Variants in PRR16 observed in about 807,000 individuals in gnomAD.
The protein encoded by PRR16 is proline rich 16.
Under a neutral mutation model 18.2 loss-of-function variants are expected in PRR16, and 6 were observed. The ratio of observed to expected loss-of-function variants is 0.33; its 90% CI spans 0.18 to 0.65. The LOEUF (loss-of-function observed/expected upper bound fraction) is 0.65. Among genes scored for constraint, PRR16 ranks in the 30% least tolerant of loss-of-function variants. The pLI, the probability that PRR16 is intolerant of heterozygous loss-of-function variation, is 0.74. For missense variants in PRR16, 412 were observed against 376.6 expected, an observed-to-expected ratio of 1.09 and a Z score of -0.78; for synonymous variants, 151 against 147.8, an observed-to-expected ratio of 1.02 and a Z score of -0.16.
chr5:120,710,408 GA>G, the PRR16 span, among the ~76,000 whole-genome samples: 1 of 152,052 alleles, frequency 6.6e-6, no homozygotes, highest in Admixed American at 6.6e-5. Context: ...GTATCCAGTG[GA>G]AAAAACATAG....
At chr5:120,653,126 C>G (rs1378320735) in intron 1 of PRR16, among the ~76,000 whole-genome samples, 10 of 151,766 alleles carry the variant, frequency 6.6e-5, no homozygotes, top group Non-Finnish European at 1.3e-4. Flanking sequence ...AAAATGGTTT[C>G]ACTTGGGAGA....
At chr5:120,590,204 A>G (rs941643336) in intron 1 of PRR16, among the ~76,000 whole-genome samples, 11 of 152,188 alleles carry the variant, frequency 7.2e-5, no homozygotes, top group African/African-American at 1.7e-4. Context: ...TCTCTCCCCA[A>G]TTTGATCCTT....
At chr5:120,520,633 C>T (rs1406201547) in intron 1 of PRR16, among the ~76,000 whole-genome samples, 2 of 151,942 alleles carry the variant, frequency 1.3e-5, no homozygotes, top group Non-Finnish European at 2.9e-5. Context: ...AAGAAGGAGT[C>T]TTTTTTGGTT....
intron 1 of PRR16, among the ~76,000 whole-genome samples, chr5:120,647,402 A>G (rs914007945): frequency 2.6e-5 from 4 of 152,042 alleles, no homozygotes; most frequent in Non-Finnish European, 5.9e-5. Flanking sequence ...TTAAAAAAAA[A>G]AGAGATTTCA....
At chr5:120,501,784 G>A (rs910300222) in intron 1 of PRR16, among the ~76,000 whole-genome samples, 2 of 151,650 alleles carry the variant, frequency 1.3e-5, no homozygotes, top group Non-Finnish European at 2.9e-5. Context: ...GTGAAACCCT[G>A]TCTCAACTAA....
chr5:120,470,843 G>A (rs1333250294), intron 1 of PRR16, among the ~76,000 whole-genome samples: 1 of 152,110 alleles, frequency 6.6e-6, no homozygotes, highest in Non-Finnish European at 1.5e-5. Context: ...GAGAAGTGAA[G>A]CTTCATTGCC....
the PRR16 span, among the ~76,000 whole-genome samples, chr5:120,713,908 T>C: frequency 1.3e-5 from 2 of 152,184 alleles, no homozygotes; most frequent in African/African-American, 2.4e-5. Flanking sequence ...TTCCAAGTGG[T>C]TCTCCTGTAT....
chr5:120,644,410 A>G (rs1755524694), intron 1 of PRR16, among the ~76,000 whole-genome samples: 1 of 71,386 alleles, frequency 1.4e-5, no homozygotes, highest in African/African-American at 5.4e-5. Flanking sequence ...TGATATTATA[A>G]CAAATGATGT....
chr5:120,560,840 C>G (rs1298309677), intron 1 of PRR16, among the ~76,000 whole-genome samples: 1 of 151,988 alleles, frequency 6.6e-6, no homozygotes, highest in South Asian at 2.1e-4. Context: ...GGATTTCTTA[C>G]TGGTTCAATC....
chr5:120,661,441 T>G (rs1445637170), intron 1 of PRR16, among the ~76,000 whole-genome samples: 6 of 152,130 alleles, frequency 3.9e-5, no homozygotes, highest in African/African-American at 9.6e-5. Flanking sequence ...TGGAACACGT[T>G]GTATAATTTA....
At chr5:120,626,865 C>G (rs181889746) in intron 1 of PRR16, among the ~76,000 whole-genome samples, 27 of 152,136 alleles carry the variant, frequency 1.8e-4, no homozygotes, top group Non-Finnish European at 2.8e-4. Context: ...TGATACTGAC[C>G]TTATTTCTCT....
intron 1 of PRR16, chr5:120,481,154 A>ATT (rs55765526): frequency 5.0e-5 from 49 of 980,484 alleles, no homozygotes; most frequent in African/African-American, 4.0e-4. Flanking sequence ...ATCTTATTTT[A>ATT]TTTTTTTTTT....
chr5:120,517,661 C>T (rs1178296737), intron 1 of PRR16, among the ~76,000 whole-genome samples: 19 of 152,070 alleles, frequency 1.2e-4, no homozygotes, highest in Non-Finnish European at 1.6e-4. Context: ...TGTTCTTTTT[C>T]GACAGTAGAG....
the PRR16 span, among the ~76,000 whole-genome samples, chr5:120,767,919 A>G: frequency 6.6e-6 from 1 of 151,850 alleles, no homozygotes; most frequent in African/African-American, 2.4e-5. Context: ...TATATCAATT[A>G]TATCACAATA....
At chr5:120,791,032 C>G in the PRR16 span, among the ~76,000 whole-genome samples, 46 of 152,202 alleles carry the variant, frequency 3.0e-4, no homozygotes, top group Non-Finnish European at 5.1e-4. Flanking sequence ...GAAATGCACA[C>G]TAAGCATTTG....
intron 1 of PRR16, among the ~76,000 whole-genome samples, chr5:120,584,402 AT>A (rs1186226426): frequency 6.6e-6 from 1 of 152,174 alleles, no homozygotes; most frequent in Non-Finnish European, 1.5e-5. Flanking sequence ...TTCTAGCTAA[AT>A]ATAGGGTAAT....
At chr5:120,621,600 G>A (rs1754691694) in intron 1 of PRR16, among the ~76,000 whole-genome samples, 1 of 152,022 alleles carries the variant, frequency 6.6e-6, no homozygotes, top group South Asian at 2.1e-4. Context: ...TCAGGGGAGA[G>A]ACCAGGTGGG....
chr5:120,671,368 G>C (rs899509744), intron 1 of PRR16, among the ~76,000 whole-genome samples: 3 of 152,044 alleles, frequency 2.0e-5, no homozygotes, highest in Non-Finnish European at 2.9e-5. Flanking sequence ...GCTAGTGAGA[G>C]TCCAAATCAT....
chr5:120,539,490 A>G (rs1751836666), intron 1 of PRR16, among the ~76,000 whole-genome samples: 1 of 152,104 alleles, frequency 6.6e-6, no homozygotes, highest in African/African-American at 2.4e-5. Flanking sequence ...TAGTGGATTT[A>G]TATGTTATCT....
Sources: gnomAD v4.1 joint callset for allele counts (sites outside exome capture counted in the v4.1 genomes callset) on GRCh38, gnomAD v4.1.1 for gene constraint, MANE v1.5 for transcripts, NCBI Gene and HGNC (gene_info 2026-07-23, HGNC 2026-07-21) for gene names.